Variants in PREPL observed in about 807,000 individuals in gnomAD.
The protein encoded by PREPL is prolyl endopeptidase like, also known as prolyl endopeptidase-like.
In PREPL, 77 loss-of-function variants were observed where a neutral mutation model predicts 70.6. The ratio of observed to expected loss-of-function variants is 1.09; its 90% CI spans 0.91 to 1.32. The LOEUF (loss-of-function observed/expected upper bound fraction) is 1.32. PREPL is among the 40% of genes most tolerant of loss of function. The pLI, the probability that PREPL is intolerant of heterozygous loss-of-function variation, is 0.00. For missense variants in PREPL, 1,002 were observed against 778.2 expected (o/e 1.29, Z -3.42); for synonymous variants, 315 against 264.8 (o/e 1.19, Z -1.84).
rs575087215 is a variant in PREPL at position 44,317,649 on chromosome 2, AAAT to A, written c.*3704_*3706del. 8.7e-4 allele frequency: 132 copies of A among 152,492 alleles called. No individual in the cohort carries two copies. Among genetic ancestry groups the A allele is most frequent in the African/African-American group, 3.0e-3 (125 of 41,538 alleles). 9.4% of individuals were successfully genotyped at this position (152,492 alleles called of 1,614,324 possible). ...TTTTAATGGTAAAATTAGGACATAA[AAAT>A]AATTTTCAAAGAATTATTTTCAAAG... On this transcript the variant is annotated 3_prime_UTR_variant, in exon 14 of 14. Transcript: ENST00000409411.
At chr2:44,337,658 C>T (rs1674772591) in intron 7 of PREPL, among the ~76,000 whole-genome samples, 1 of 152,282 alleles carries the variant, frequency 6.6e-6, no homozygotes, top group South Asian at 2.1e-4. Context: ...TGCCTACTAC[C>T]TCAACTCACA....
chr2:44,337,752 CT>C (rs1325270896), intron 7 of PREPL, among the ~76,000 whole-genome samples: 1 of 152,194 alleles, frequency 6.6e-6, no homozygotes, highest in African/African-American at 2.4e-5. Flanking sequence ...GTTATCTTTC[CT>C]GGTAGCCACA....
intron 1 of PREPL, chr2:44,359,670 T>C (rs1218443492): frequency 6.2e-7 from 1 of 1,613,386 alleles, no homozygotes. Flanking sequence ...AGGTGAGGAA[T>C]ACTATACTTC....
chr2:44,345,182 GTA>G (rs1164296926), intron 2 of PREPL, among the ~76,000 whole-genome samples: 1 of 152,158 alleles, frequency 6.6e-6, no homozygotes, highest in Non-Finnish European at 1.5e-5. Context: ...CATATTAAAT[GTA>G]ATTGATTGGT....
At chr2:44,343,655 C>A in intron 4 of PREPL, 90 bp downstream of exon 4, 2 of 1,172,380 alleles carry the variant, frequency 1.7e-6, no homozygotes, top group South Asian at 2.6e-5. Context: ...AGGCATTCAC[C>A]TTCTCCCTCC....
rs751302267 is a variant in PREPL, at chr2:44,329,082, G to T, written c.1117C>A (p.His373Asn). ...TGCAAGTCCTCAGAGTCAGTTTTGT[G>T]GAAAACAGTCATTGGCACTAATTTT... ...DGKLVPMTVF[H>N]KTDSEDLQKK... Residue 373 changes from histidine (H) to asparagine (N), a missense_variant, in exon 9 of 14, where the codon CAC becomes AAC. Transcript: ENST00000409411. The T allele has an allele frequency of 6.2e-7, 1 of 1,607,780 alleles. No individual in the cohort carries two copies. Among genetic ancestry groups the T allele is most frequent in the African/African-American group, 1.3e-5 (1 of 74,714 alleles).
At position 44,319,350 on chromosome 2, in the gene PREPL, CTG is replaced by C. The variant is rs1280059231; in HGVS notation, c.*2004_*2005del. The C allele has an allele frequency of 6.6e-6, 1 of 152,554 alleles. No individual in the cohort carries two copies. The highest frequency in any genetic ancestry group is 1.5e-5 in the Non-Finnish European group (1 of 68,020). 9.5% of individuals were successfully genotyped at this position (152,554 alleles called of 1,614,324 possible). ...GTGCCCATACTCTTTGACAAAGTAACTGTCTTTCTGATAATCTATCTTAAGTA... is the reference window on the plus strand; with the variant it reads ...GTGCCCATACTCTTTGACAAAGTAACTCTTTCTGATAATCTATCTTAAGTA... On this transcript the variant is annotated 3_prime_UTR_variant, in exon 14 of 14. Coordinates refer to ENST00000409411, the MANE Select transcript of PREPL (RefSeq NM_001171613.2).
rs762509909 is a variant in PREPL, at chr2:44,323,264, G to C, written c.1627C>G (p.Gln543Glu). 1 of 1,594,392 alleles carries C rather than the reference G, an allele frequency of 6.3e-7. No homozygotes were observed. The highest frequency in any genetic ancestry group is 1.1e-5 in the South Asian group (1 of 87,242). Residue 543 changes from glutamine to glutamate, a missense_variant and splice_region_variant, in exon 11 of 14, where the codon CAG (glutamine) becomes GAG (glutamate). Gln to Glu is a conservative substitution (Grantham distance 29). Coordinates refer to ENST00000409411, the MANE Select transcript of PREPL (RefSeq NM_001171613.2). ...CTAACACAATTGTCTTTCACTACCT[G>C]AGGTTTAATATTTTGATAGGGACAG... ...RYCPYQNIKP[Q>E]HYPSIHITAY...
intron 8 of PREPL, among the ~76,000 whole-genome samples, chr2:44,331,193 T>A (rs1190266903): frequency 6.6e-6 from 1 of 152,214 alleles, no homozygotes; most frequent in Non-Finnish European, 1.5e-5. Flanking sequence ...TCCTCCCAGC[T>A]TGGCCTCCCA....
At position 44,321,204 on chromosome 2, in the gene PREPL, G is replaced by A. The variant is rs995718795; in HGVS notation, c.*152C>T. On this transcript the variant is annotated 3_prime_UTR_variant, in exon 14 of 14. Coordinates refer to ENST00000409411, the MANE Select transcript of PREPL (RefSeq NM_001171613.2). The stretch of plus-strand genomic sequence containing the variant: ...AGAGAATAGTATAAGCAAGTGAGAT[G>A]TAGACTAAGCAAAATTTAGATGGAG... 1.5e-6 allele frequency: 1 copy of A among 680,770 alleles called. No homozygotes were observed. The highest frequency in any genetic ancestry group is 2.5e-6 in the Non-Finnish European group (1 of 400,160). The allele number at this position is 680,770 out of a possible 1,614,324, so 42.2% of individuals were successfully genotyped here.
Position 44,321,877 on chromosome 2 carries a change from G to C in PREPL, c.1777C>G (p.Leu593Val), listed in dbSNP as rs1558482256. ...GEGYQTPNIILDIQPGGNHVI... is the reference protein window; with the variant it reads ...GEGYQTPNIIVDIQPGGNHVI... Reference sequence around the variant, plus strand: ...TGATTGCCTCCAGGCTGAATATCTAGAATAATATTAGGGGTCTGATAGCCT... The same window carrying C: ...TGATTGCCTCCAGGCTGAATATCTACAATAATATTAGGGGTCTGATAGCCT... Residue 593 changes from leucine (L) to valine (V), a missense_variant, in exon 13 of 14, where the codon CTA (leucine) becomes GTA (valine). Physicochemically the swap from Leu to Val is conservative, Grantham distance 32. Transcript: ENST00000409411. 7 of 1,613,498 alleles carry C rather than the reference G, an allele frequency of 4.3e-6. No individual in the cohort carries two copies. Among genetic ancestry groups the C allele is most frequent in the South Asian group, 2.2e-5 (2 of 91,026 alleles).
In PREPL at chr2:44,344,725, A is replaced by C. The variant is rs532608650; in HGVS notation, c.76-139T>G. The C allele has an allele frequency of 5.3e-6, 3 of 565,976 alleles. No individual in the cohort carries two copies. The East Asian group carries it at 9.5e-5, about 18-fold the overall frequency. 35.1% of individuals were successfully genotyped at this position (565,976 alleles called of 1,614,324 possible). On this transcript the variant is annotated intron_variant, in intron 2 of 13. Coordinates refer to ENST00000409411, the MANE Select transcript of PREPL (RefSeq NM_001171613.2). The stretch of plus-strand genomic sequence containing the variant: ...GTATATGAATGAACACATATGAAAT[A>C]TAAAATTGACCATTTTTACAATGTA...
chr2:44,326,887 C>A lies in PREPL; in HGVS notation c.1304G>T (p.Arg435Leu). The change falls in exon 10 of 14, where the codon CGC becomes CTC. Residue 435 changes from arginine to leucine, a missense_variant. By Grantham distance (102) the Arg-to-Leu change is moderately radical. Transcript: ENST00000409411. Reference sequence around the variant, plus strand: ...AAGGCCATTGAGTTTTTTAGTTAGGCGGCCATCAGCGTGCCACTGGAGGCC... The same window carrying A: ...AAGGCCATTGAGTTTTTTAGTTAGGAGGCCATCAGCGTGCCACTGGAGGCC... ...ELGLQWHADG[R>L]LTKKLNGLAD... 6.2e-7 allele frequency: 1 copy of A among 1,614,132 alleles called. No individual in the cohort carries two copies.
Position 44,343,818 on chromosome 2 carries a change from T to A in PREPL, c.276A>T (p.Ala92=), listed in dbSNP as rs771393231. Reference sequence around the variant, plus strand: ...TGAGCTTTATAATTACACAGGTAGATGCTTCAGAATCTTCAGTTCTTATCT... The same window carrying A: ...TGAGCTTTATAATTACACAGGTAGAAGCTTCAGAATCTTCAGTTCTTATCT... ...AAKIRTEDSE[A]STCVIIKLSD... Residue 92 remains alanine, a synonymous_variant, in exon 4 of 14, where the codon GCA becomes GCT. Coordinates refer to ENST00000409411, the MANE Select transcript of PREPL (RefSeq NM_001171613.2). The A allele has an allele frequency of 1.9e-6, 3 of 1,613,868 alleles. No individual in the cohort carries two copies. Among genetic ancestry groups the A allele is most frequent in the Non-Finnish European group, 2.5e-6 (3 of 1,179,856 alleles).
chr2:44,321,853 G>A lies in PREPL; in HGVS notation c.1801C>T (p.His601Tyr). ...IILDIQPGGN[H>Y]VIEDSHKKIT... ...TTTTTGTGAGAATCCTCAATTACATGATTGCCTCCAGGCTGAATATCTAGA... is the reference window on the plus strand; with the variant it reads ...TTTTTGTGAGAATCCTCAATTACATAATTGCCTCCAGGCTGAATATCTAGA... Residue 601 changes from histidine to tyrosine, a missense_variant, in exon 13 of 14, where the codon CAT becomes TAT. Transcript: ENST00000409411. The A allele has an allele frequency of 6.2e-7, 1 of 1,613,650 alleles. No individual in the cohort carries two copies. Among genetic ancestry groups the A allele is most frequent in the South Asian group, 1.1e-5 (1 of 91,054 alleles).
In PREPL at chr2:44,326,696, G is replaced by T; in HGVS notation, c.1479+16C>A. The T allele has an allele frequency of 6.2e-7, 1 of 1,605,202 alleles. No individual in the cohort carries two copies. The highest frequency in any genetic ancestry group is 8.5e-7 in the Non-Finnish European group (1 of 1,172,954). The stretch of plus-strand genomic sequence containing the variant: ...CCTCCCCCATTCTATAAACAGTAGA[G>T]ACAGAGCGTACTCACCTCCAAAGTC... On this transcript the variant is annotated intron_variant, in intron 10 of 13. Transcript: ENST00000409411.
At chr2:44,327,113 T>G (rs77564861) in intron 9 of PREPL, among the ~76,000 whole-genome samples, 185 bp from the exon 10 acceptor site, 40 of 152,310 alleles carry the variant, frequency 2.6e-4, no homozygotes, top group South Asian at 2.3e-3. Context: ...CTGCAAAGCT[T>G]AAAATGTGAC....
In PREPL at chr2:44,332,474, T is replaced by C. The variant is rs1032798799; in HGVS notation, c.1071A>G (p.Leu357=). Reference sequence around the variant, plus strand: ...TAAGACCTACCTTGCTTTTGGCTTCTAGACGTAAAACGCGACTAGTCTTTG... The same window carrying C: ...TAAGACCTACCTTGCTTTTGGCTTCCAGACGTAAAACGCGACTAGTCTTTG... ...PITKTSRVLR[L]EAKSKDGKLV... Residue 357 remains leucine, a synonymous_variant, in exon 8 of 14, where the codon CTA becomes CTG. Coordinates refer to ENST00000409411, the MANE Select transcript of PREPL (RefSeq NM_001171613.2). 14 of 1,613,974 alleles carry C rather than the reference T, an allele frequency of 8.7e-6. No individual in the cohort carries two copies. Among genetic ancestry groups the C allele is most frequent in the Non-Finnish European group, 1.2e-5 (14 of 1,179,860 alleles).
intron 10 of PREPL, among the ~76,000 whole-genome samples, chr2:44,325,457 C>T (rs1478092606): frequency 1.3e-5 from 2 of 152,138 alleles, no homozygotes; most frequent in African/African-American, 2.4e-5. Context: ...TTTCCTAATG[C>T]CCTTTAATCC....
Sources: gnomAD v4.1 joint callset for allele counts (sites outside exome capture counted in the v4.1 genomes callset) on GRCh38, gnomAD v4.1.1 for gene constraint, MANE v1.5 for transcripts, NCBI Gene and HGNC (gene_info 2026-07-23, HGNC 2026-07-21) for gene names.